CORO2A: variants seen among roughly 807,000 people sequenced by gnomAD.
CORO2A encodes coronin 2A, also known as coronin-2A.
A neutral mutation model predicts 62.4 loss-of-function variants in CORO2A; 47 were observed. The ratio of observed to expected loss-of-function variants is 0.75; its 90% CI spans 0.60 to 0.96. The LOEUF (loss-of-function observed/expected upper bound fraction) is 0.96. CORO2A is among the 40% of genes least tolerant of loss of function. The pLI is 0.00. For synonymous variants in CORO2A, 273 were observed against 268.9 expected, an observed-to-expected ratio of 1.02 and a Z score of -0.15; for missense variants, 610 against 684.1, an observed-to-expected ratio of 0.89 and a Z score of 1.21.
chr9:98,153,031 T>C (rs1457660161), intron 2 of CORO2A, among the ~76,000 whole-genome samples: 1 of 152,256 alleles, frequency 6.6e-6, no homozygotes, highest in Non-Finnish European at 1.5e-5. Context: ...TAAGAGAATA[T>C]TCTCGTTCTT....
At chr9:98,167,725 G>A (rs1827980883) in intron 1 of CORO2A, among the ~76,000 whole-genome samples, 1 of 152,244 alleles carries the variant, frequency 6.6e-6, no homozygotes, top group South Asian at 2.1e-4. Flanking sequence ...ATTAGGTGTG[G>A]TAATAATACT....
intron 1 of CORO2A, among the ~76,000 whole-genome samples, chr9:98,183,242 T>A (rs960897800): frequency 6.6e-6 from 1 of 152,236 alleles, no homozygotes; most frequent in Admixed American, 6.5e-5. Flanking sequence ...GTTCCACAGT[T>A]GGACAGTTTG....
chr9:98,137,639 T>C lies in CORO2A; in HGVS notation c.251A>G (p.Asn84Ser). 2 of 1,614,232 alleles carry C rather than the reference T, an allele frequency of 1.2e-6. No homozygotes were observed. Among genetic ancestry groups the C allele is most frequent in the South Asian group, 1.1e-5 (1 of 91,084 alleles). Residue 84 changes from asparagine to serine, a missense_variant, in exon 3 of 12, where the codon AAC becomes AGC. Physicochemically the swap from Asn to Ser is conservative, Grantham distance 46. Transcript: ENST00000375077. Reference sequence around the variant, plus strand: ...AGGGTTCCACTTGACATCCAAAACGTTGCCTCTGTGCCCGCAGACTTTTGG... The same window carrying C: ...AGGGTTCCACTTGACATCCAAAACGCTGCCTCTGTGCCCGCAGACTTTTGG... ...HYPKVCGHRG[N>S]VLDVKWNPFD...
At chr9:98,135,047 A>G in intron 3 of CORO2A, 92 bp from the exon 4 acceptor site, 1 of 1,517,078 alleles carries the variant, frequency 6.6e-7, no homozygotes, top group Non-Finnish European at 8.9e-7. Context: ...TGACCAGCAG[A>G]AGGACCAAGG....
chr9:98,153,649 AACACACACACAC>A (rs55685018), intron 2 of CORO2A, among the ~76,000 whole-genome samples: 53 of 133,972 alleles, frequency 4.0e-4, no homozygotes, highest in African/African-American at 7.0e-4. Context: ...TCTGTTTCCA[AACACACACACAC>A]ACACACACAC....
chr9:98,190,395 T>C (rs1393531431), intron 1 of CORO2A, among the ~76,000 whole-genome samples: 1 of 152,220 alleles, frequency 6.6e-6, no homozygotes, highest in Non-Finnish European at 1.5e-5. Context: ...TTTATTTTTA[T>C]TTTTGCTAAT....
intron 1 of CORO2A, among the ~76,000 whole-genome samples, chr9:98,165,997 A>G (rs1157327119): frequency 6.6e-6 from 1 of 152,222 alleles, no homozygotes; most frequent in Admixed American, 6.5e-5. Flanking sequence ...CATCACTAAA[A>G]GAGATAACCA....
At position 98,133,134 on chromosome 9, in the gene CORO2A, G is replaced by A. The variant is rs763069852; in HGVS notation, c.552C>T (p.Leu184=). The A allele has an allele frequency of 5.0e-6, 8 of 1,614,240 alleles. No individual in the cohort carries two copies. Among genetic ancestry groups the A allele is most frequent in the African/African-American group, 4.0e-5 (3 of 75,078 alleles). Residue 184 remains leucine (L), a synonymous_variant, in exon 5 of 12, where the codon CTC becomes CTT. Transcript: ENST00000375077. ...STISCHQDVI[L]SMSFNTNGSL... ...TGCCGTTGGTGTTGAAGGACATGGA[G>A]AGGATCACATCTTGGTGACAGCTAA...
At chr9:98,157,223 T>C (rs1304997177) in intron 2 of CORO2A, 3 of 443,546 alleles carry the variant, frequency 6.8e-6, no homozygotes, top group Non-Finnish European at 1.2e-5. Context: ...AGAATTATAT[T>C]GCAGAGAAGA....
chr9:98,159,533 C>T (rs1827856030), intron 1 of CORO2A, among the ~76,000 whole-genome samples: 1 of 151,712 alleles, frequency 6.6e-6, no homozygotes, highest in African/African-American at 2.4e-5. Flanking sequence ...AGCCCTCTGG[C>T]TCTTTGCCCG....
chr9:98,140,112 C>A (rs990368239), intron 2 of CORO2A, among the ~76,000 whole-genome samples: 4 of 152,102 alleles, frequency 2.6e-5, no homozygotes, highest in African/African-American at 9.7e-5. Flanking sequence ...CCCAGGCCCT[C>A]GACCTCCCAC....
rs1258104096 is a variant in CORO2A, at chr9:98,192,596, G to T, written c.-38C>A. ...CGCGCAGGTGGCGGTGGCGGCGGCGGCGTCCAGCTCCGGCTCCGCGCTCCT... is the reference window on the plus strand; with the variant it reads ...CGCGCAGGTGGCGGTGGCGGCGGCGTCGTCCAGCTCCGGCTCCGCGCTCCT... On this transcript the variant is annotated 5_prime_UTR_variant, in exon 1 of 12. Coordinates refer to ENST00000375077, the MANE Select transcript of CORO2A (RefSeq NM_052820.4). 1 of 150,662 alleles carries T rather than the reference G, an allele frequency of 6.6e-6. No individual in the cohort carries two copies. Among genetic ancestry groups the T allele is most frequent in the African/African-American group, 2.4e-5 (1 of 41,258 alleles). The allele number at this position is 150,662 out of a possible 1,614,324, so 9.3% of individuals were successfully genotyped here. A position where few individuals can be genotyped will look rare whatever the true frequency, so the allele number is the denominator to read the frequency against.
At chr9:98,166,805 T>G (rs1827967146) in intron 1 of CORO2A, among the ~76,000 whole-genome samples, 1 of 152,130 alleles carries the variant, frequency 6.6e-6, no homozygotes, top group African/African-American at 2.4e-5. Context: ...CAGTAAAATG[T>G]GGTATATTCA....
At chr9:98,148,970 A>G (rs1288839790) in intron 2 of CORO2A, among the ~76,000 whole-genome samples, 3 of 152,192 alleles carry the variant, frequency 2.0e-5, no homozygotes, top group Non-Finnish European at 4.4e-5. Flanking sequence ...GAGCAGGTTA[A>G]TTGTCATCTG....
chr9:98,181,391 G>A (rs1828175722), intron 1 of CORO2A, among the ~76,000 whole-genome samples: 1 of 145,496 alleles, frequency 6.9e-6, no homozygotes, highest in Admixed American at 6.9e-5. Context: ...GTCCAGGCTG[G>A]TCTGGAACTC....
At chr9:98,170,401 ATAGCAGT>A (rs1424953216) in intron 1 of CORO2A, among the ~76,000 whole-genome samples, 1 of 152,224 alleles carries the variant, frequency 6.6e-6, no homozygotes, top group Non-Finnish European at 1.5e-5. Context: ...CATCACTGTC[ATAGCAGT>A]TGTGCTGGTC....
chr9:98,176,245 C>A lies in CORO2A; in HGVS notation c.-1+16314G>T, dbSNP rs538828865. Among the ~76,000 whole-genome samples, 3 of 152,306 alleles carry A rather than the reference C, an allele frequency of 2.0e-5. No homozygotes were observed. The East Asian group carries it at 5.8e-4, about 29-fold the overall frequency. On this transcript the variant is annotated intron_variant, in intron 1 of 11. Transcript: ENST00000375077. Reference sequence around the variant, plus strand: ...ATGAGTGTTGATTTAGAATCTAAAGCTCTAATTCTTCAGTTTTTAGCCAGA... The same window carrying A: ...ATGAGTGTTGATTTAGAATCTAAAGATCTAATTCTTCAGTTTTTAGCCAGA...
chr9:98,128,757 G>C, intron 8 of CORO2A, 38 bp from the exon 9 acceptor site: 1 of 1,571,584 alleles, frequency 6.4e-7, no homozygotes, highest in Non-Finnish European at 8.8e-7. Flanking sequence ...GTTCTGGCTA[G>C]GCTGGGGCCA....
chr9:98,163,909 A>G (rs1035736601), intron 1 of CORO2A, among the ~76,000 whole-genome samples: 3 of 152,190 alleles, frequency 2.0e-5, no homozygotes, highest in African/African-American at 7.2e-5. Context: ...AAACCATTAT[A>G]ATAGATTATT....
Sources: allele counts gnomAD v4.1 joint callset (sites outside exome capture counted in the v4.1 genomes callset), GRCh38; gene constraint gnomAD v4.1.1; transcripts MANE v1.5; gene names NCBI Gene and HGNC (gene_info 2026-07-23, HGNC 2026-07-21).